Variants in CCDC148 observed in about 807,000 individuals in gnomAD.
CCDC148 encodes the protein coiled-coil domain-containing protein 148.
CCDC148 carries 89 observed loss-of-function variants against 85.7 expected under a neutral mutation model. The observed-to-expected ratio is 1.04, with a 90% CI of 0.87 to 1.24. CCDC148 has a LOEUF of 1.24. Among genes scored for constraint, CCDC148 ranks in the 50% most tolerant of loss-of-function variants. CCDC148 has a pLI of 0.00. For synonymous variants in CCDC148, 230 were observed against 213.9 expected, an observed-to-expected ratio of 1.08 and a Z score of -0.66; for missense variants, 692 against 671.7, an observed-to-expected ratio of 1.03 and a Z score of -0.33.
chr2:158,399,943 T>C (rs1685701704), intron 1 of CCDC148, among the ~76,000 whole-genome samples: 1 of 152,116 alleles, frequency 6.6e-6, no homozygotes, highest in Non-Finnish European at 1.5e-5. Flanking sequence ...TGAACTCCTA[T>C]ACACAATTAC....
At chr2:158,347,059 C>T (rs1347908400) in intron 2 of CCDC148, among the ~76,000 whole-genome samples, 2 of 151,992 alleles carry the variant, frequency 1.3e-5, no homozygotes, top group South Asian at 2.1e-4. Context: ...ACTTTACCTA[C>T]CAAAAAAATA....
chr2:158,419,800 T>C (rs1686683495), intron 1 of CCDC148, among the ~76,000 whole-genome samples: 1 of 152,146 alleles, frequency 6.6e-6, no homozygotes, highest in Non-Finnish European at 1.5e-5. Context: ...ATCCCCTCCT[T>C]TGTGAAAATA....
intron 1 of CCDC148, among the ~76,000 whole-genome samples, chr2:158,446,393 T>C (rs1001945761): frequency 2.0e-5 from 3 of 152,172 alleles, no homozygotes; most frequent in East Asian, 1.9e-4. Context: ...TATGCAAAGA[T>C]TGTAATTTAG....
chr2:158,305,233 G>C (rs1185660167), intron 9 of CCDC148, among the ~76,000 whole-genome samples: 1 of 152,160 alleles, frequency 6.6e-6, no homozygotes, highest in African/African-American at 2.4e-5. Context: ...TCTTCTCCTG[G>C]GGACGGTGAA....
intron 9 of CCDC148, among the ~76,000 whole-genome samples, chr2:158,298,472 C>T (rs778033841): frequency 6.6e-6 from 1 of 152,078 alleles, no homozygotes; most frequent in Non-Finnish European, 1.5e-5. Context: ...TTTTCTGGAA[C>T]TTTAATTACA....
chr2:158,324,922 G>A (rs1026745204), intron 7 of CCDC148, among the ~76,000 whole-genome samples: 4 of 151,880 alleles, frequency 2.6e-5, no homozygotes, highest in Non-Finnish European at 5.9e-5. Flanking sequence ...TGTTAGAGTA[G>A]CAGATGAACC....
At chr2:158,264,794 A>G (rs1339019570) in intron 9 of CCDC148, among the ~76,000 whole-genome samples, 1 of 152,148 alleles carries the variant, frequency 6.6e-6, no homozygotes, top group Non-Finnish European at 1.5e-5. Context: ...CTATACTGAT[A>G]TTACAATACG....
chr2:158,218,265 A>C (rs1044746236), intron 11 of CCDC148, among the ~76,000 whole-genome samples: 1 of 152,220 alleles, frequency 6.6e-6, no homozygotes, highest in African/African-American at 2.4e-5. Flanking sequence ...TATCCAGTTC[A>C]ACTTTACAGA....
At chr2:158,216,822 G>C (rs1686888768) in intron 11 of CCDC148, among the ~76,000 whole-genome samples, 1 of 152,064 alleles carries the variant, frequency 6.6e-6, no homozygotes, top group Non-Finnish European at 1.5e-5. Context: ...TCAATTGATA[G>C]GAATCGCTTA....
At chr2:158,448,112 T>C (rs1016425322) in intron 1 of CCDC148, among the ~76,000 whole-genome samples, 1 of 152,218 alleles carries the variant, frequency 6.6e-6, no homozygotes. Context: ...ATTATTCCAG[T>C]AGTATTTCTT....
At chr2:158,443,108 A>C (rs1178436442) in intron 1 of CCDC148, among the ~76,000 whole-genome samples, 1 of 152,070 alleles carries the variant, frequency 6.6e-6, no homozygotes. Context: ...AAGGTCCTAG[A>C]GTTAGGGACA....
chr2:158,198,624 G>A (rs1235913734), intron 11 of CCDC148, among the ~76,000 whole-genome samples: 2 of 151,956 alleles, frequency 1.3e-5, no homozygotes, highest in Admixed American at 6.6e-5. Context: ...TGGACTTTTT[G>A]GCTGATATCT....
intron 10 of CCDC148, among the ~76,000 whole-genome samples, chr2:158,222,228 G>A (rs1687223109): frequency 6.6e-6 from 1 of 152,150 alleles, no homozygotes; most frequent in Non-Finnish European, 1.5e-5. Context: ...TGGCCTTGGA[G>A]AAAGTCAGTG....
intron 13 of CCDC148, among the ~76,000 whole-genome samples, chr2:158,172,886 AAC>A (rs950120046): frequency 2.0e-5 from 3 of 152,074 alleles, no homozygotes; most frequent in African/African-American, 7.2e-5. Context: ...ATTAAATGTC[AAC>A]AGAGACTGTT....
At chr2:158,181,874 G>T (rs1684921635) in intron 11 of CCDC148, among the ~76,000 whole-genome samples, 1 of 151,858 alleles carries the variant, frequency 6.6e-6, no homozygotes, top group Non-Finnish European at 1.5e-5. Flanking sequence ...TGCAGGATGG[G>T]TTGTTGGGAG....
chr2:158,207,645 T>C (rs1686323539), intron 11 of CCDC148: 2 of 152,122 alleles, frequency 1.3e-5, no homozygotes, highest in African/African-American at 4.8e-5. Context: ...ACAATAGACC[T>C]ATCAATGGGA....
intron 10 of CCDC148, among the ~76,000 whole-genome samples, chr2:158,232,665 C>T (rs1020157839): frequency 3.4e-4 from 52 of 152,134 alleles, no homozygotes; most frequent in Admixed American, 3.2e-3. Context: ...TTATCTCTGA[C>T]CTGTGACTCA....
chr2:158,378,720 A>G (rs1684754373), intron 1 of CCDC148, among the ~76,000 whole-genome samples: 1 of 152,134 alleles, frequency 6.6e-6, no homozygotes, highest in African/African-American at 2.4e-5. Context: ...AAGAATTATT[A>G]TAAATCTACT....
chr2:158,219,863 A>G (rs1026049129), intron 11 of CCDC148, among the ~76,000 whole-genome samples: 4 of 152,158 alleles, frequency 2.6e-5, no homozygotes, highest in Non-Finnish European at 5.9e-5. Context: ...GTTTCTTCCA[A>G]GGGAACCCTC....
Sources: gnomAD v4.1 joint callset for allele counts (sites outside exome capture counted in the v4.1 genomes callset) on GRCh38, gnomAD v4.1.1 for gene constraint, MANE v1.5 for transcripts, NCBI Gene and HGNC (gene_info 2026-07-23, HGNC 2026-07-21) for gene names.